Variants in UBXN2B observed in about 807,000 individuals in gnomAD.
UBXN2B encodes the protein UBX domain-containing protein 2B.
A neutral mutation model predicts 37.5 loss-of-function variants in UBXN2B; 19 were observed. The observed-to-expected ratio is 0.51, with a 90% CI of 0.35 to 0.74. The LOEUF is 0.74. Ranked by LOEUF, UBXN2B falls within the 30% of genes least tolerant of loss-of-function variation. The pLI is 0.01. For synonymous variants in UBXN2B, 145 were observed against 143.8 expected (o/e 1.01, Z -0.06); for missense variants, 370 against 393.2 (o/e 0.94, Z 0.50).
rs576619004 is a variant in UBXN2B, at chr8:58,439,842, T to C, written c.671+72T>C. 4.6e-5 allele frequency: 70 copies of C among 1,516,712 alleles called. No individual in the cohort carries two copies. The South Asian group carries it at 9.1e-4, about 20-fold the overall frequency. 94.0% of individuals were successfully genotyped at this position (1,516,712 alleles called of 1,614,324 possible). On this transcript the variant is annotated intron_variant, in intron 6 of 7. Transcript: ENST00000399598. ...TTCTTTGAGAATAAGAAAAGCAAAA[T>C]GACCTATGAAGTAAAAAACAAAAAT... is the stretch of plus-strand genomic sequence containing the variant.
intron 2 of UBXN2B, among the ~76,000 whole-genome samples, chr8:58,421,824 G>C (rs1274162284): frequency 6.6e-6 from 1 of 152,178 alleles, no homozygotes; most frequent in Non-Finnish European, 1.5e-5. Context: ...TTGGCCTAAG[G>C]TTACATAAGA....
Position 58,426,396 on chromosome 8 carries a change from G to A in UBXN2B, c.189-4123G>A, listed in dbSNP as rs1808090202. 9.9e-5 allele frequency: 52 copies of A among 525,606 alleles called. 2 individuals carry two copies. Among genetic ancestry groups the A allele is most frequent in the South Asian group, 8.3e-4 (45 of 54,046 alleles). 32.6% of individuals were successfully genotyped at this position (525,606 alleles called of 1,614,324 possible). On this transcript the variant is annotated intron_variant, in intron 2 of 7. Coordinates refer to ENST00000399598, the MANE Select transcript of UBXN2B (RefSeq NM_001077619.2). ...TAATTTTTTTGTATTTTTTAGTAGA[G>A]ACGGGGTTTCACCATGTTAGCCAGG...
At chr8:58,414,002 ATC>A (rs1306255250) in intron 1 of UBXN2B, among the ~76,000 whole-genome samples, 1 of 152,080 alleles carries the variant, frequency 6.6e-6, no homozygotes, top group Non-Finnish European at 1.5e-5. Flanking sequence ...TCCACATATT[ATC>A]TGTTTCTACA....
intron 6 of UBXN2B, among the ~76,000 whole-genome samples, chr8:58,444,899 T>C (rs1452846724): frequency 6.6e-6 from 1 of 152,164 alleles, no homozygotes; most frequent in Non-Finnish European, 1.5e-5. Context: ...GAGAGAAGCT[T>C]TTTGAATGGA....
chr8:58,415,112 C>T (rs950780151), intron 1 of UBXN2B, among the ~76,000 whole-genome samples: 1 of 151,898 alleles, frequency 6.6e-6, no homozygotes, highest in African/African-American at 2.4e-5. Context: ...GGAAATAAAA[C>T]AGCAAAAGTA....
In UBXN2B at chr8:58,450,590, G is replaced by A. The variant is rs1486326690; in HGVS notation, c.*3039G>A. The A allele has an allele frequency of 6.6e-6, 1 of 152,204 alleles. No individual in the cohort carries two copies. Among genetic ancestry groups the A allele is most frequent in the African/African-American group, 2.4e-5 (1 of 41,428 alleles). The allele number at this position is 152,204 out of a possible 1,614,324, so 9.4% of individuals were successfully genotyped here. On this transcript the variant is annotated 3_prime_UTR_variant, in exon 8 of 8. Coordinates refer to ENST00000399598, the MANE Select transcript of UBXN2B (RefSeq NM_001077619.2). ...ATATTTCTACTAACAGTCTGTTTAA[G>A]GCAGTTTAGCTTCTTTTCTGGCATG... is the stretch of plus-strand genomic sequence containing the variant.
intron 2 of UBXN2B, among the ~76,000 whole-genome samples, chr8:58,422,517 T>C (rs762786377): frequency 5.9e-5 from 9 of 152,270 alleles, no homozygotes; most frequent in Non-Finnish European, 1.0e-4. Flanking sequence ...CGAAGAGGGA[T>C]GTCTTTGGAA....
chr8:58,411,575 C>G (rs970114777), intron 1 of UBXN2B, 106 bp downstream of exon 1: 4 of 948,216 alleles, frequency 4.2e-6, no homozygotes, highest in Middle Eastern at 7.5e-4. Flanking sequence ...GAGCCTTTCC[C>G]CGACCCCGTC....
At chr8:58,435,085 T>C (rs1030203459) in intron 5 of UBXN2B, 8 of 1,433,160 alleles carry the variant, frequency 5.6e-6, no homozygotes, top group Middle Eastern at 2.6e-4. Flanking sequence ...AATAAAAGCT[T>C]TTCTGTGTTA....
intron 1 of UBXN2B, among the ~76,000 whole-genome samples, chr8:58,415,548 GA>G (rs1807754759): frequency 6.6e-6 from 1 of 151,988 alleles, no homozygotes; most frequent in Admixed American, 6.6e-5. Context: ...TGGGGAAAAT[GA>G]AACACTGATA....
At chr8:58,424,655 A>T (rs1308573403) in intron 2 of UBXN2B, 1 of 1,161,424 alleles carries the variant, frequency 8.6e-7, no homozygotes, top group Non-Finnish European at 1.2e-6. Flanking sequence ...GTCTGCTCTC[A>T]TTTCTGCACA....
At chr8:58,445,816 C>CGGTGGTCGCCGTATCATTA in intron 6 of UBXN2B, 91 bp from the exon 7 acceptor site, 1 of 1,156,844 alleles carries the variant, frequency 8.6e-7, no homozygotes, top group South Asian at 2.0e-5. Flanking sequence ...ATAGGAGACT[C>CGGTGGTCGCCGTATCATTA]AAATGAAGCC....
At position 58,433,215 on chromosome 8, in the gene UBXN2B, ATATC is replaced by A. The variant is rs1182471265; in HGVS notation, c.399_402del (p.Ile133MetfsTer22). On this transcript the variant is annotated frameshift_variant, in exon 4 of 8. Transcript: ENST00000399598. LOFTEE classifies it high-confidence loss of function. ...AGTTCTTTTTGTAAGCGGTCTGAAT[ATATC>A]TATGGAGAAAATCAGCTGCAAGATG... 1.9e-5 allele frequency: 31 copies of A among 1,612,150 alleles called. No individual in the cohort carries two copies. The highest frequency in any genetic ancestry group is 2.6e-5 in the Non-Finnish European group (31 of 1,179,106).
intron 6 of UBXN2B, among the ~76,000 whole-genome samples, chr8:58,443,831 A>G (rs1277604541): frequency 6.6e-6 from 1 of 151,978 alleles, no homozygotes; most frequent in Non-Finnish European, 1.5e-5. Context: ...AATAAAATAA[A>G]TTAATTAACA....
rs1563462050 is a variant in UBXN2B, at chr8:58,430,597, C to T, written c.267C>T (p.Phe89=). The change falls in exon 3 of 8, where the codon TTC becomes TTT. Residue 89 remains phenylalanine, a synonymous_variant. Transcript: ENST00000399598. ...CTGGGAAAATTGTGAATGAACTTTT[C>T]AAAGAGGCAAGGGAACATGGGGCTG... The part of the protein sequence containing the change: ...PSTGKIVNEL[F]KEAREHGAVP... The T allele has an allele frequency of 3.1e-6, 5 of 1,605,390 alleles. No homozygotes were observed. The highest frequency in any genetic ancestry group is 4.3e-6 in the Non-Finnish European group (5 of 1,175,148).
rs1013299663 is a variant in UBXN2B at position 58,423,435 on chromosome 8, G to C, written c.188+6482G>C. On this transcript the variant is annotated intron_variant, in intron 2 of 7. Coordinates refer to ENST00000399598, the MANE Select transcript of UBXN2B (RefSeq NM_001077619.2). The stretch of plus-strand genomic sequence containing the variant: ...ACAGTTGGGGGTGGGTTTTTTTTTT[G>C]TTGTTGTTTTTTTTTTTTGACACGG... Among the ~76,000 whole-genome samples, 41 of 146,126 alleles carry C rather than the reference G, an allele frequency of 2.8e-4. No individual in the cohort carries two copies. In the East Asian group the frequency reaches 7.3e-3, roughly 26 times the overall value.
intron 1 of UBXN2B, among the ~76,000 whole-genome samples, chr8:58,412,441 A>G (rs1807662753): frequency 6.6e-6 from 1 of 152,264 alleles, no homozygotes; most frequent in Admixed American, 6.5e-5. Context: ...ATGAATACTT[A>G]GCATAACATT....
At chr8:58,443,521 A>G (rs1315570515) in intron 6 of UBXN2B, among the ~76,000 whole-genome samples, 2 of 152,012 alleles carry the variant, frequency 1.3e-5, no homozygotes, top group African/African-American at 2.4e-5. Context: ...GCATGGGCAC[A>G]GTGGCTCACA....
chr8:58,439,576 A>G (rs1808494320), intron 5 of UBXN2B, 57 bp from the exon 6 acceptor site: 1 of 1,556,746 alleles, frequency 6.4e-7, no homozygotes, highest in Admixed American at 2.1e-5. Context: ...TAATCTCAAC[A>G]GTGTAGTTTA....
Sources: allele counts gnomAD v4.1 joint callset (sites outside exome capture counted in the v4.1 genomes callset), GRCh38; gene constraint gnomAD v4.1.1; transcripts MANE v1.5; gene names NCBI Gene and HGNC (gene_info 2026-07-23, HGNC 2026-07-21).